Variants in CPQ observed in about 807,000 individuals in gnomAD.
CPQ encodes the protein Ser-Met dipeptidase.
A neutral mutation model predicts 45.7 loss-of-function variants in CPQ; 37 were observed. The ratio of observed to expected loss-of-function variants is 0.81; its 90% CI spans 0.62 to 1.07. The LOEUF (loss-of-function observed/expected upper bound fraction) is 1.07. Ranked by LOEUF, CPQ falls within the 50% of genes least tolerant of loss-of-function variation. The pLI is 0.00. For missense variants in CPQ, 537 were observed against 572.9 expected, an observed-to-expected ratio of 0.94 and a Z score of 0.64; for synonymous variants, 186 against 205.8, an observed-to-expected ratio of 0.90 and a Z score of 0.82.
chr8:96,957,060 T>C (rs1205487196), intron 4 of CPQ, among the ~76,000 whole-genome samples: 1 of 152,238 alleles, frequency 6.6e-6, no homozygotes, highest in Non-Finnish European at 1.5e-5. Flanking sequence ...GGGATGTCTG[T>C]AACATTCTTT....
intron 1 of CPQ, among the ~76,000 whole-genome samples, chr8:96,667,641 A>T (rs1474244789): frequency 6.6e-6 from 1 of 151,768 alleles, no homozygotes; most frequent in Non-Finnish European, 1.5e-5. Flanking sequence ...GAGCCACCGC[A>T]CCTGGCCTTA....
chr8:96,831,345 T>G (rs559718814), intron 2 of CPQ, among the ~76,000 whole-genome samples: 4 of 152,058 alleles, frequency 2.6e-5, no homozygotes, highest in African/African-American at 7.2e-5. Context: ...GTAAAAAAAA[T>G]TAAACAAGCT....
intron 6 of CPQ, among the ~76,000 whole-genome samples, chr8:97,054,771 G>C (rs1433260562): frequency 6.6e-6 from 1 of 152,156 alleles, no homozygotes; most frequent in Non-Finnish European, 1.5e-5. Context: ...GACTTAGAAA[G>C]GGGGAGAATG....
chr8:97,105,962 C>T (rs1363642939), intron 7 of CPQ, among the ~76,000 whole-genome samples: 1 of 152,192 alleles, frequency 6.6e-6, no homozygotes, highest in African/African-American at 2.4e-5. Flanking sequence ...TCTGTGAATG[C>T]TGAAATGTGC....
intron 1 of CPQ, among the ~76,000 whole-genome samples, chr8:96,742,765 G>A (rs983321411): frequency 6.6e-6 from 1 of 152,094 alleles, no homozygotes; most frequent in African/African-American, 2.4e-5. Flanking sequence ...GAAATTCTGG[G>A]TTGAAAATTC....
intron 3 of CPQ, among the ~76,000 whole-genome samples, chr8:96,851,099 A>G (rs1363978404): frequency 6.6e-6 from 1 of 152,158 alleles, no homozygotes; most frequent in African/African-American, 2.4e-5. Context: ...ATATCACCTC[A>G]TTTGGACCCT....
At chr8:96,756,402 G>A (rs766518694) in intron 1 of CPQ, among the ~76,000 whole-genome samples, 44 of 152,100 alleles carry the variant, frequency 2.9e-4, no homozygotes, top group Admixed American at 5.9e-4. Context: ...AATGTTTAGA[G>A]CATTCTGTTC....
intron 7 of CPQ, among the ~76,000 whole-genome samples, chr8:97,119,465 G>A (rs1811660476): frequency 1.3e-5 from 2 of 151,990 alleles, no homozygotes; most frequent in South Asian, 2.1e-4. Flanking sequence ...AAATGGTGGG[G>A]GGGAATACAA....
intron 4 of CPQ, among the ~76,000 whole-genome samples, chr8:96,890,506 G>A (rs1812358486): frequency 6.6e-6 from 1 of 152,180 alleles, no homozygotes. Context: ...GTTTCCCATT[G>A]ACCATAATCA....
intron 1 of CPQ, among the ~76,000 whole-genome samples, chr8:96,668,115 G>A (rs1808950021): frequency 6.6e-6 from 1 of 152,204 alleles, no homozygotes. Flanking sequence ...GGAGAAATAA[G>A]TTTGGATTGA....
intron 1 of CPQ, among the ~76,000 whole-genome samples, chr8:96,748,957 A>G (rs1057138828): frequency 3.2e-4 from 48 of 152,246 alleles, no homozygotes; most frequent in Middle Eastern, 3.4e-3. Context: ...CACCAATTGC[A>G]AAGCCTTTTC....
At chr8:96,902,435 A>T (rs1488332698) in intron 4 of CPQ, among the ~76,000 whole-genome samples, 2 of 152,150 alleles carry the variant, frequency 1.3e-5, no homozygotes, top group East Asian at 3.9e-4. Context: ...TGCTCTTCTG[A>T]ATATTACTTA....
At chr8:96,827,797 A>G (rs1456091558) in intron 2 of CPQ, among the ~76,000 whole-genome samples, 1 of 152,090 alleles carries the variant, frequency 6.6e-6, no homozygotes, top group African/African-American at 2.4e-5. Flanking sequence ...CATTCAAGCC[A>G]GGGTATATAG....
At chr8:96,683,680 T>C (rs1184418640) in intron 1 of CPQ, among the ~76,000 whole-genome samples, 4 of 152,028 alleles carry the variant, frequency 2.6e-5, no homozygotes, top group Non-Finnish European at 5.9e-5. Flanking sequence ...CTTTTTATGG[T>C]GTCCCATATA....
intron 7 of CPQ, among the ~76,000 whole-genome samples, chr8:97,126,693 A>C (rs538625708): frequency 3.0e-4 from 45 of 152,288 alleles, no homozygotes; most frequent in African/African-American, 1.1e-3. Flanking sequence ...ATACATGTAA[A>C]ATTTAGGAGA....
At chr8:97,107,356 C>T (rs1811420678) in intron 7 of CPQ, among the ~76,000 whole-genome samples, 1 of 152,228 alleles carries the variant, frequency 6.6e-6, no homozygotes, top group African/African-American at 2.4e-5. Flanking sequence ...CTGAGGCCCA[C>T]ATGCCTTGGC....
chr8:96,662,422 AG>A (rs1815710760), intron 1 of CPQ, among the ~76,000 whole-genome samples: 1 of 152,190 alleles, frequency 6.6e-6, no homozygotes, highest in Admixed American at 6.5e-5. Flanking sequence ...TGCATTTTTC[AG>A]GGCAGAGTAT....
chr8:96,920,350 A>C (rs1426637324), intron 4 of CPQ, among the ~76,000 whole-genome samples: 2 of 152,190 alleles, frequency 1.3e-5, no homozygotes, highest in African/African-American at 4.8e-5. Flanking sequence ...AAAGTCCATT[A>C]GCTACTCCAT....
At chr8:96,885,300 A>G (rs1812286570) in intron 4 of CPQ, among the ~76,000 whole-genome samples, 1 of 152,154 alleles carries the variant, frequency 6.6e-6, no homozygotes. Context: ...AATCATATTA[A>G]TCCATTCCTG....
Sources: gnomAD v4.1 joint callset for allele counts (sites outside exome capture counted in the v4.1 genomes callset) on GRCh38, gnomAD v4.1.1 for gene constraint, MANE v1.5 for transcripts, NCBI Gene and HGNC (gene_info 2026-07-23, HGNC 2026-07-21) for gene names.